The following AJAP1 variants were observed in gnomAD, a reference collection of about 807,000 sequenced individuals.
AJAP1 encodes the protein adherens junction-associated protein 1.
A neutral mutation model predicts 35.0 loss-of-function variants in AJAP1; 5 were observed. The ratio of observed to expected loss-of-function variants is 0.14; its 90% CI spans 0.07 to 0.30. AJAP1 has a LOEUF of 0.30. Among genes scored for constraint, AJAP1 ranks in the 10% least tolerant of loss-of-function variants. The pLI is 1.00. For synonymous variants in AJAP1, 284 were observed against 249.3 expected (o/e 1.14, Z -1.31); for missense variants, 586 against 571.0 (o/e 1.03, Z -0.27).
chr1:4,765,866 T>C (rs1241386438), intron 2 of AJAP1, among the ~76,000 whole-genome samples: 2 of 152,204 alleles, frequency 1.3e-5, no homozygotes, highest in Non-Finnish European at 2.9e-5. Context: ...AGGCCACTGC[T>C]GCTGGGTGTT....
chr1:4,704,636 T>G (rs1397378480), intron 1 of AJAP1, among the ~76,000 whole-genome samples: 1 of 152,190 alleles, frequency 6.6e-6, no homozygotes, highest in Non-Finnish European at 1.5e-5. Flanking sequence ...TGTGTCTTTA[T>G]AGCAGCATGA....
chr1:4,702,415 C>T (rs574281619), intron 1 of AJAP1, among the ~76,000 whole-genome samples: 16 of 152,330 alleles, frequency 1.1e-4, no homozygotes, highest in Non-Finnish European at 1.5e-4. Flanking sequence ...ACCGATCCAC[C>T]GGTTCCCAAG....
rs1272192029 is a variant in AJAP1, at chr1:4,792,133, CTTG to C, written c.*9651_*9653del. On this transcript the variant is annotated 3_prime_UTR_variant, in exon 6 of 6. Coordinates refer to ENST00000378191, the MANE Select transcript of AJAP1 (RefSeq NM_018836.4). Reference sequence around the variant, plus strand: ...TTTATTTATACTTTTACAAGGAGCACTTGTTATTTTTCAAAAGGAAAACAAAAG... The same window carrying C: ...TTTATTTATACTTTTACAAGGAGCACTTATTTTTCAAAAGGAAAACAAAAG... The C allele has an allele frequency of 6.6e-6, 1 of 151,972 alleles. No homozygotes were observed. Among genetic ancestry groups the C allele is most frequent in the African/African-American group, 2.4e-5 (1 of 41,380 alleles). 9.4% of individuals were successfully genotyped at this position (151,972 alleles called of 1,614,324 possible).
intron 5 of AJAP1, among the ~76,000 whole-genome samples, chr1:4,775,211 C>G (rs547352360): frequency 6.6e-6 from 1 of 152,152 alleles, no homozygotes; most frequent in African/African-American, 2.4e-5. Flanking sequence ...TAAATTGCCT[C>G]CTTCTGTGCT....
intron 1 of AJAP1, among the ~76,000 whole-genome samples, 166 bp from the exon 2 acceptor site, chr1:4,711,734 G>T (rs1640244801): frequency 6.6e-6 from 1 of 152,206 alleles, no homozygotes; most frequent in Non-Finnish European, 1.5e-5. Context: ...AGCCTTTGAA[G>T]GAAAGGAAGG....
chr1:4,696,952 G>A (rs1027548731), intron 1 of AJAP1, among the ~76,000 whole-genome samples: 1 of 152,112 alleles, frequency 6.6e-6, no homozygotes, highest in Non-Finnish European at 1.5e-5. Flanking sequence ...TGCATGTTCT[G>A]TGTGTATGTG....
intron 2 of AJAP1, among the ~76,000 whole-genome samples, chr1:4,740,507 C>A (rs548240441): frequency 6.6e-6 from 1 of 151,202 alleles, no homozygotes. Flanking sequence ...AGTGGCTGGC[C>A]GGGCACGGTG....
chr1:4,773,268 C>T (rs1290436879), intron 4 of AJAP1, among the ~76,000 whole-genome samples: 1 of 152,112 alleles, frequency 6.6e-6, no homozygotes, highest in African/African-American at 2.4e-5. Context: ...GTAACACTGC[C>T]CCAGGCCCCC....
chr1:4,756,061 G>A (rs1265114425), intron 2 of AJAP1, among the ~76,000 whole-genome samples: 1 of 152,122 alleles, frequency 6.6e-6, no homozygotes, highest in East Asian at 1.9e-4. Flanking sequence ...ATATGCATAA[G>A]GAAGTGCCCA....
chr1:4,698,791 G>T (rs1228520666), intron 1 of AJAP1, among the ~76,000 whole-genome samples: 1 of 152,178 alleles, frequency 6.6e-6, no homozygotes, highest in African/African-American at 2.4e-5. Context: ...CCTCCTCACT[G>T]TGTGCCCTCC....
At chr1:4,684,222 C>T (rs946942435) in intron 1 of AJAP1, among the ~76,000 whole-genome samples, 2 of 152,186 alleles carry the variant, frequency 1.3e-5, no homozygotes, top group Admixed American at 1.3e-4. Flanking sequence ...GTTTGGGGGG[C>T]AGCTGTTAAC....
intron 1 of AJAP1, among the ~76,000 whole-genome samples, chr1:4,706,533 G>A (rs1640104379): frequency 6.6e-6 from 1 of 152,292 alleles, no homozygotes; most frequent in Non-Finnish European, 1.5e-5. Flanking sequence ...CGGCTGGGGT[G>A]GATTGGCCAC....
intron 2 of AJAP1, among the ~76,000 whole-genome samples, chr1:4,751,351 C>A (rs1365251233): frequency 1.3e-5 from 2 of 152,140 alleles, no homozygotes; most frequent in Non-Finnish European, 2.9e-5. Flanking sequence ...ATGTGATGAA[C>A]CTATTAGCTG....
intron 5 of AJAP1, among the ~76,000 whole-genome samples, chr1:4,779,006 G>A (rs1274859018): frequency 6.6e-6 from 1 of 152,196 alleles, no homozygotes; most frequent in Non-Finnish European, 1.5e-5. Context: ...CTGCCAGCAG[G>A]GGATGCCTTG....
intron 2 of AJAP1, among the ~76,000 whole-genome samples, chr1:4,760,839 T>C (rs2100346341): frequency 6.6e-6 from 1 of 152,346 alleles, no homozygotes; most frequent in East Asian, 1.9e-4. Flanking sequence ...TGCCCATCTG[T>C]GCCCCCCTAC....
At chr1:4,715,878 T>A (rs905666492) in intron 2 of AJAP1, among the ~76,000 whole-genome samples, 2 of 151,526 alleles carry the variant, frequency 1.3e-5, no homozygotes, top group East Asian at 1.9e-4. Context: ...GACTTGGGAG[T>A]TTTATCATCT....
chr1:4,660,381 G>A (rs1404218706), intron 1 of AJAP1, among the ~76,000 whole-genome samples: 1 of 152,124 alleles, frequency 6.6e-6, no homozygotes, highest in Non-Finnish European at 1.5e-5. Context: ...CCTCCTTGTT[G>A]TGATGGAAAC....
chr1:4,694,537 C>T (rs947014966), intron 1 of AJAP1, among the ~76,000 whole-genome samples: 2 of 152,228 alleles, frequency 1.3e-5, no homozygotes, highest in South Asian at 2.1e-4. Context: ...CATAAACTCC[C>T]GAGTGGTCCA....
At chr1:4,729,282 C>T (rs1026012066) in intron 2 of AJAP1, among the ~76,000 whole-genome samples, 3 of 152,004 alleles carry the variant, frequency 2.0e-5, no homozygotes, top group East Asian at 3.9e-4. Flanking sequence ...GGGCAGGGCC[C>T]GAGTCTCGAG....
Sources: gnomAD v4.1 joint callset for allele counts (sites outside exome capture counted in the v4.1 genomes callset) on GRCh38, gnomAD v4.1.1 for gene constraint, MANE v1.5 for transcripts, NCBI Gene and HGNC (gene_info 2026-07-23, HGNC 2026-07-21) for gene names.